KIAA1217: variants seen among roughly 807,000 people sequenced by gnomAD.
The protein encoded by KIAA1217 is sickle tail protein homolog.
In KIAA1217, 88 loss-of-function variants were observed where a neutral mutation model predicts 163.9. That is an observed-to-expected ratio of 0.54 (90% CI 0.45 to 0.64). The LOEUF is 0.64. Ranked by LOEUF, KIAA1217 falls within the 30% of genes least tolerant of loss-of-function variation. KIAA1217 has a pLI of 0.00. For missense variants in KIAA1217, 2,372 were observed against 2,475.0 expected (o/e 0.96, Z 0.88); for synonymous variants, 903 against 923.1 (o/e 0.98, Z 0.39).
intron 2 of KIAA1217, among the ~76,000 whole-genome samples, chr10:24,088,258 T>TATAC (rs1366988247): frequency 9.6e-6 from 1 of 103,660 alleles, no homozygotes; most frequent in African/African-American, 3.1e-5. Context: ...TTAATATACA[T>TATAC]ATATATATAT....
At chr10:24,013,649 G>A (rs904003602) in intron 2 of KIAA1217, among the ~76,000 whole-genome samples, 2 of 152,136 alleles carry the variant, frequency 1.3e-5, no homozygotes, top group Non-Finnish European at 2.9e-5. Flanking sequence ...TCTTTAATGT[G>A]ACTCAGAAAT....
chr10:23,727,133 G>C (rs979157202), intron 1 of KIAA1217, among the ~76,000 whole-genome samples: 1 of 151,760 alleles, frequency 6.6e-6, no homozygotes, highest in South Asian at 2.1e-4. Context: ...GACTGCAGTT[G>C]CCTGCCACCA....
intron 2 of KIAA1217, among the ~76,000 whole-genome samples, chr10:24,179,206 A>C (rs1016703810): frequency 6.6e-6 from 1 of 152,202 alleles, no homozygotes; most frequent in African/African-American, 2.4e-5. Flanking sequence ...ACAAAGTAAA[A>C]GGCTTTTGGG....
In KIAA1217 at chr10:24,501,401, G is replaced by A. The variant is rs147802497; in HGVS notation, c.1857G>A (p.Gly619=). The change falls in exon 9 of 21, where the codon GGG becomes GGA. Residue 619 remains glycine (G), a synonymous_variant. Transcript: ENST00000376454. The part of the protein sequence containing the change: ...DSAGTPHVSG[G]KMLSALESTV... ...TAGGAACGCCCCATGTGTCTGGTGG[G>A]AAGATGCTCAGTGCTCTGGAGTCCA... 11 of 1,611,694 alleles carry A rather than the reference G, an allele frequency of 6.8e-6. No homozygotes were observed. The highest frequency in any genetic ancestry group is 9.3e-6 in the Non-Finnish European group (11 of 1,178,154).
At chr10:23,758,626 T>TTCTTTC (rs1554787386) in intron 1 of KIAA1217, among the ~76,000 whole-genome samples, 1 of 116,920 alleles carries the variant, frequency 8.6e-6, no homozygotes, top group African/African-American at 3.8e-5. Flanking sequence ...CTTTCTTACT[T>TTCTTTC]TCTCTCTCTC....
At chr10:24,356,515 G>T (rs1003439541) in intron 2 of KIAA1217, among the ~76,000 whole-genome samples, 2 of 152,132 alleles carry the variant, frequency 1.3e-5, no homozygotes, top group Non-Finnish European at 2.9e-5. Context: ...AGGTTGCCGT[G>T]GTTTCAGTGT....
chr10:24,466,731 G>C (rs1378664100), intron 5 of KIAA1217: 27 of 985,302 alleles, frequency 2.7e-5, no homozygotes, highest in Non-Finnish European at 3.3e-5. Context: ...ATGTAATCAG[G>C]ACCTGAGCGA....
At chr10:23,793,397 C>T (rs918076258) in intron 1 of KIAA1217, among the ~76,000 whole-genome samples, 4 of 152,196 alleles carry the variant, frequency 2.6e-5, no homozygotes, top group Non-Finnish European at 5.9e-5. Flanking sequence ...TGATGGCTTC[C>T]TGGCTGAAGG....
chr10:23,840,939 C>T (rs1214338647), intron 1 of KIAA1217, among the ~76,000 whole-genome samples: 3 of 152,178 alleles, frequency 2.0e-5, no homozygotes, highest in African/African-American at 7.2e-5. Context: ...GCCAGACTAC[C>T]CAAATTCAAA....
At chr10:24,409,884 A>C (rs921412001) in intron 3 of KIAA1217, among the ~76,000 whole-genome samples, 2 of 152,026 alleles carry the variant, frequency 1.3e-5, no homozygotes, top group Non-Finnish European at 2.9e-5. Context: ...TTAGAATAAT[A>C]GTATCCAGTG....
chr10:23,846,291 G>A (rs2131081156), intron 1 of KIAA1217, among the ~76,000 whole-genome samples: 1 of 152,202 alleles, frequency 6.6e-6, no homozygotes, highest in South Asian at 2.1e-4. Context: ...AGCTTGATGG[G>A]GATAGCATTG....
At chr10:24,175,221 C>G (rs1755488245) in intron 2 of KIAA1217, among the ~76,000 whole-genome samples, 1 of 152,148 alleles carries the variant, frequency 6.6e-6, no homozygotes, top group Admixed American at 6.5e-5. Context: ...CTTCAAAGTC[C>G]ATTGTATCAT....
chr10:24,256,924 G>A (rs1270801477), intron 2 of KIAA1217, among the ~76,000 whole-genome samples: 1 of 152,192 alleles, frequency 6.6e-6, no homozygotes, highest in East Asian at 1.9e-4. Flanking sequence ...GAAAACAGCT[G>A]CTAGCCATTT....
At chr10:24,532,639 G>A (rs1326668861) in intron 15 of KIAA1217, among the ~76,000 whole-genome samples, 2 of 152,138 alleles carry the variant, frequency 1.3e-5, no homozygotes, top group Non-Finnish European at 2.9e-5. Flanking sequence ...AAGAGATTGT[G>A]CAGGGGAACT....
intron 1 of KIAA1217, among the ~76,000 whole-genome samples, chr10:23,872,515 A>T (rs572046331): frequency 5.3e-5 from 8 of 152,166 alleles, no homozygotes; most frequent in Non-Finnish European, 7.4e-5. Flanking sequence ...CACTGCAGAG[A>T]GCTTCATTTA....
At chr10:24,468,406 T>C (rs2063169176) in intron 5 of KIAA1217, among the ~76,000 whole-genome samples, 1 of 152,226 alleles carries the variant, frequency 6.6e-6, no homozygotes. Flanking sequence ...CTGGTTCTTT[T>C]TAAAACTCCG....
chr10:24,138,257 G>C (rs945623407), intron 2 of KIAA1217, among the ~76,000 whole-genome samples: 2 of 152,074 alleles, frequency 1.3e-5, no homozygotes, highest in African/African-American at 4.8e-5. Flanking sequence ...AGGCTCAAGC[G>C]ATCCCCCTTA....
chr10:24,522,923 C>T (rs1305802843), intron 12 of KIAA1217, among the ~76,000 whole-genome samples: 9 of 151,820 alleles, frequency 5.9e-5, no homozygotes, highest in African/African-American at 9.7e-5. Flanking sequence ...TACAGTGAGC[C>T]GAGGTTGTGC....
intron 1 of KIAA1217, among the ~76,000 whole-genome samples, chr10:23,880,160 C>G (rs1413206623): frequency 1.3e-5 from 2 of 151,846 alleles, no homozygotes; most frequent in Non-Finnish European, 2.9e-5. Context: ...GAGTTTATTG[C>G]AGCACTATTC....
Sources: allele counts gnomAD v4.1 joint callset (sites outside exome capture counted in the v4.1 genomes callset), GRCh38; gene constraint gnomAD v4.1.1; transcripts MANE v1.5; gene names NCBI Gene and HGNC (gene_info 2026-07-23, HGNC 2026-07-21).